BAIAP2: variants seen among roughly 807,000 people sequenced by gnomAD.
The protein encoded by BAIAP2 is BAR/IMD domain containing adaptor protein 2.
BAIAP2 carries 18 observed loss-of-function variants against 63.0 expected under a neutral mutation model. The ratio of observed to expected loss-of-function variants is 0.29; its 90% CI spans 0.20 to 0.42. BAIAP2 has a LOEUF of 0.42. Ranked by LOEUF, BAIAP2 falls within the 10% of genes least tolerant of loss-of-function variation. BAIAP2 has a pLI of 1.00. For missense variants in BAIAP2, 610 were observed against 734.3 expected (o/e 0.83, Z 1.96); for synonymous variants, 386 against 307.6 (o/e 1.25, Z -2.67).
At chr17:81,100,883 ACCT>A (rs1166808060) in intron 7 of BAIAP2, among the ~76,000 whole-genome samples, 1 of 150,760 alleles carries the variant, frequency 6.6e-6, no homozygotes, top group Non-Finnish European at 1.5e-5. Context: ...TGCCTCTACC[ACCT>A]CTGCCTGCAC....
intron 2 of BAIAP2, among the ~76,000 whole-genome samples, chr17:81,055,574 G>GTTTTTTGTTTTTTTTTGTTTT (rs370775327): frequency 0.26 from 32,058 of 123,488 alleles, 4,577 homozygotes; most frequent in South Asian, 0.43. Flanking sequence ...AGGGTGTTTT[G>GTTTTTTGTTTTTTTTTGTTTT]TTTTTTTTTG....
At chr17:81,112,457 T>C (rs1407332119) in intron 13 of BAIAP2, among the ~76,000 whole-genome samples, 1 of 152,174 alleles carries the variant, frequency 6.6e-6, no homozygotes, top group Admixed American at 6.5e-5. Context: ...CCCAATCCCA[T>C]TGCCACCCTG....
At chr17:81,102,266 CG>C (rs2058595901) in intron 7 of BAIAP2, among the ~76,000 whole-genome samples, 1 of 152,114 alleles carries the variant, frequency 6.6e-6, no homozygotes, top group Non-Finnish European at 1.5e-5. Context: ...TCTCAGGGTG[CG>C]GGGGTGACGC....
intron 13 of BAIAP2, 32 bp downstream of exon 13, chr17:81,108,541 CGTGG>C (rs2059447107): frequency 1.9e-6 from 3 of 1,613,638 alleles, no homozygotes; most frequent in African/African-American, 2.7e-5. Context: ...TCTTTGGGAC[CGTGG>C]GTGGGTGTGA....
chr17:81,066,329 G>A (rs909714009), intron 3 of BAIAP2, among the ~76,000 whole-genome samples: 11 of 152,230 alleles, frequency 7.2e-5, no homozygotes, highest in African/African-American at 2.7e-4. Context: ...GAATGAGGAT[G>A]TTAGCTGGCA....
chr17:81,067,568 G>C (rs1402216293), intron 3 of BAIAP2, among the ~76,000 whole-genome samples: 2 of 128,644 alleles, frequency 1.6e-5, no homozygotes, highest in African/African-American at 2.6e-5. Flanking sequence ...TGGGCCCCTG[G>C]TCTGGCTGCT....
rs774256842 is a variant in BAIAP2 at position 81,108,972 on chromosome 17, A to G, written c.1535+463A>G. 1.8e-5 allele frequency: 28 copies of G among 1,548,626 alleles called. No homozygotes were observed. The African/African-American group carries it at 3.6e-4, about 20-fold the overall frequency. The stretch of plus-strand genomic sequence containing the variant: ...GTCCTGTGCTTTGTTTCACAGTGGC[A>G]GCGGCACGCTGGTGTCCACAGTGTG... On this transcript the variant is annotated intron_variant, in intron 13 of 13. Transcript: ENST00000428708.
Position 81,046,545 on chromosome 17 carries a change from T to C in BAIAP2, c.55-7123T>C, listed in dbSNP as rs1338007061. The stretch of plus-strand genomic sequence containing the variant: ...GCTCTGGAGCTCATCGGTGCTCCTG[T>C]GTGTGGGGTCAGCAGTGGCCCGCCC... On this transcript the variant is annotated intron_variant, in intron 1 of 13. Transcript: ENST00000428708. This position sits in a 1 kb window ranked among gnomAD's most constrained non-coding sequence, Gnocchi z 4.5. Among the ~76,000 whole-genome samples the C allele has an allele frequency of 6.6e-6, 1 of 152,072 alleles. No homozygotes were observed. Among genetic ancestry groups the C allele is most frequent in the Non-Finnish European group, 1.5e-5 (1 of 68,012 alleles).
chr17:81,072,456 C>T (rs1178040614), intron 3 of BAIAP2, among the ~76,000 whole-genome samples: 1 of 152,212 alleles, frequency 6.6e-6, no homozygotes, highest in Non-Finnish European at 1.5e-5. Flanking sequence ...CGCCCACACT[C>T]GTCAGTTTCA....
intron 1 of BAIAP2, among the ~76,000 whole-genome samples, chr17:81,052,324 CTG>C (rs1386529742): frequency 6.6e-6 from 1 of 152,270 alleles, no homozygotes; most frequent in African/African-American, 2.4e-5. Flanking sequence ...GATGTTGGCT[CTG>C]TGCGAGCAGG....
At chr17:81,064,405 G>T (rs934962450) in intron 3 of BAIAP2, among the ~76,000 whole-genome samples, 1 of 152,204 alleles carries the variant, frequency 6.6e-6, no homozygotes, top group Non-Finnish European at 1.5e-5. Flanking sequence ...GATGCTGCCC[G>T]CTCCCCCTTT....
Position 81,107,102 on chromosome 17 carries a change from G to A in BAIAP2, c.1500+195G>A, listed in dbSNP as rs995793678. 4.0e-5 allele frequency: 26 copies of A among 652,570 alleles called. No homozygotes were observed. The Admixed American group carries it at 5.4e-4, about 14-fold the overall frequency. The allele number at this position is 652,570 out of a possible 1,614,324, so 40.4% of individuals were successfully genotyped here. ...TCGGCCTCAGGCTGCCCGCCTCGCC[G>A]CAGCAGGCTCCCTGTGTCGGCATGC... On this transcript the variant is annotated intron_variant, in intron 12 of 13. Transcript: ENST00000428708.
At chr17:81,055,798 C>T (rs1051497306) in intron 2 of BAIAP2, among the ~76,000 whole-genome samples, 9 of 151,928 alleles carry the variant, frequency 5.9e-5, no homozygotes, top group Non-Finnish European at 1.3e-4. Flanking sequence ...ATCTCCTGAC[C>T]TCGTGATCCG....
chr17:81,109,860 C>T (rs955840050), intron 13 of BAIAP2: 18 of 985,452 alleles, frequency 1.8e-5, no homozygotes, highest in Non-Finnish European at 1.9e-5. Context: ...GATGCTGCCC[C>T]GGGCTACCTG....
chr17:81,065,903 G>A (rs945257746), intron 3 of BAIAP2, among the ~76,000 whole-genome samples: 12 of 152,240 alleles, frequency 7.9e-5, no homozygotes, highest in Admixed American at 3.3e-4. Flanking sequence ...AGAGTTGTCG[G>A]CTCTTCAGGA....
At chr17:81,049,169 G>A (rs1371073324) in intron 1 of BAIAP2, among the ~76,000 whole-genome samples, 1 of 152,266 alleles carries the variant, frequency 6.6e-6, no homozygotes, top group African/African-American at 2.4e-5. Context: ...GTACTGCACA[G>A]GTCCTGGAGT....
intron 7 of BAIAP2, among the ~76,000 whole-genome samples, chr17:81,100,999 C>T (rs1426305479): frequency 6.6e-6 from 1 of 152,156 alleles, no homozygotes; most frequent in African/African-American, 2.4e-5. Flanking sequence ...GTTGAGGGCC[C>T]CTCCTTGGGC....
chr17:81,078,179 A>C (rs11150769), intron 3 of BAIAP2, among the ~76,000 whole-genome samples: 3 of 110,548 alleles, frequency 2.7e-5, no homozygotes, highest in East Asian at 3.5e-4. Context: ...CGGGTGCCGT[A>C]TTGGGTGGGA....
At chr17:81,089,822 A>G (rs537404912) in intron 6 of BAIAP2, among the ~76,000 whole-genome samples, 239 of 152,242 alleles carry the variant, frequency 1.6e-3, no homozygotes, top group Admixed American at 2.4e-3. Context: ...GAGGGCAGGC[A>G]GGGCCCCGAA....
Sources: gnomAD v4.1 joint callset for allele counts (sites outside exome capture counted in the v4.1 genomes callset) on GRCh38, gnomAD v4.1.1 for gene constraint, Gnocchi (gnomAD v3.1) non-coding constraint, MANE v1.5 for transcripts, NCBI Gene and HGNC (gene_info 2026-07-23, HGNC 2026-07-21) for gene names.